The following PDE4B variants were observed in gnomAD, a reference collection of about 807,000 sequenced individuals.
PDE4B encodes the protein phosphodiesterase 4B.
In PDE4B, 20 loss-of-function variants were observed where a neutral mutation model predicts 82.2. The ratio of observed to expected loss-of-function variants is 0.24; its 90% CI spans 0.17 to 0.35. The LOEUF (loss-of-function observed/expected upper bound fraction) is 0.35, where lower values mean the gene tolerates loss of function less well. Among genes scored for constraint, PDE4B ranks in the 10% least tolerant of loss-of-function variants. The pLI is 1.00. For synonymous variants in PDE4B, 320 were observed against 318.9 expected, an observed-to-expected ratio of 1.00 and a Z score of -0.04; for missense variants, 655 against 907.2, an observed-to-expected ratio of 0.72 and a Z score of 3.57.
At chr1:66,297,780 A>G (rs1407426013) in intron 7 of PDE4B, among the ~76,000 whole-genome samples, 2 of 152,148 alleles carry the variant, frequency 1.3e-5, no homozygotes, top group Non-Finnish European at 2.9e-5. Context: ...TGGGGGACAC[A>G]TTCAAAGCAC....
chr1:65,969,049 T>C (rs1649995632), intron 3 of PDE4B, among the ~76,000 whole-genome samples: 1 of 152,176 alleles, frequency 6.6e-6, no homozygotes, highest in African/African-American at 2.4e-5. Context: ...TAATTTTACC[T>C]GAGAAACACC....
chr1:66,286,890 A>T (rs1352990253), intron 7 of PDE4B, among the ~76,000 whole-genome samples: 5 of 152,152 alleles, frequency 3.3e-5, no homozygotes, highest in African/African-American at 1.2e-4. Context: ...AAGCTAATGT[A>T]TGCCCCCCCA....
At chr1:65,937,462 A>G (rs1469459373) in intron 3 of PDE4B, among the ~76,000 whole-genome samples, 1 of 152,206 alleles carries the variant, frequency 6.6e-6, no homozygotes, top group Non-Finnish European at 1.5e-5. Context: ...TCTCAGCTGC[A>G]GATCCTAAAG....
At chr1:65,983,034 A>G (rs981961670) in intron 3 of PDE4B, among the ~76,000 whole-genome samples, 1 of 152,222 alleles carries the variant, frequency 6.6e-6, no homozygotes, top group Non-Finnish European at 1.5e-5. Context: ...CCCAAAGGAC[A>G]GAACACTGAG....
At chr1:66,193,931 A>G (rs1466066656) in intron 3 of PDE4B, among the ~76,000 whole-genome samples, 1 of 148,862 alleles carries the variant, frequency 6.7e-6, no homozygotes, top group Non-Finnish European at 1.5e-5. Flanking sequence ...CATTTGAACC[A>G]TAACAAGAGA....
rs80200150 is a variant in PDE4B at position 66,009,905 on chromosome 1, TTATCTATCTATCTATCTATCTATC to T, written c.281+91095_281+91118del. On this transcript the variant is annotated intron_variant, in intron 3 of 16. Transcript: ENST00000341517. ...TTTCATATCCATATGATCTGTATCT[TTATCTATCTATCTATCTATCTATC>T]TATCTATCTATCTATCTATCTATCA... 4.6e-3 allele frequency among the ~76,000 whole-genome samples: 603 copies of T among 130,554 alleles called. 7 individuals carry two copies. Among genetic ancestry groups the T allele is most frequent in the African/African-American group, 0.017 (552 of 31,794 alleles). 85.6% of individuals were successfully genotyped at this position (130,554 alleles called of 152,430 possible). A position where few individuals can be genotyped will look rare whatever the true frequency, so the allele number is the denominator to read the frequency against.
At chr1:66,237,061 A>G (rs922206595) in intron 3 of PDE4B, among the ~76,000 whole-genome samples, 8 of 152,232 alleles carry the variant, frequency 5.3e-5, no homozygotes, top group African/African-American at 1.7e-4. Flanking sequence ...TGAGAAAAAA[A>G]TATATAGCTT....
intron 7 of PDE4B, among the ~76,000 whole-genome samples, chr1:66,295,151 G>A (rs1657410166): frequency 6.6e-6 from 1 of 152,148 alleles, no homozygotes; most frequent in Non-Finnish European, 1.5e-5. Context: ...ACCTGGGACA[G>A]GTTTGTTCCT....
At chr1:65,989,772 T>C (rs1022669141) in intron 3 of PDE4B, among the ~76,000 whole-genome samples, 6 of 152,192 alleles carry the variant, frequency 3.9e-5, no homozygotes, top group African/African-American at 1.4e-4. Flanking sequence ...ATAGTATACT[T>C]TGCTGAAATA....
intron 1 of PDE4B, among the ~76,000 whole-genome samples, chr1:65,898,835 A>C (rs1385655099): frequency 6.6e-6 from 1 of 152,174 alleles, no homozygotes; most frequent in Non-Finnish European, 1.5e-5. Context: ...TTAAGGACTT[A>C]AACCTAAGAC....
At chr1:65,997,514 A>G (rs992071509) in intron 3 of PDE4B, among the ~76,000 whole-genome samples, 1 of 152,196 alleles carries the variant, frequency 6.6e-6, no homozygotes, top group Non-Finnish European at 1.5e-5. Context: ...GATTGACCTT[A>G]GAACTGCCGA....
intron 3 of PDE4B, among the ~76,000 whole-genome samples, chr1:66,189,776 C>T (rs28847310): frequency 0.016 from 2,432 of 152,096 alleles, 68 homozygotes; most frequent in African/African-American, 0.054. Flanking sequence ...GCCATGAGTT[C>T]GAACTTCCTC....
Position 66,355,514 on chromosome 1 carries a change from T to C in PDE4B, c.748-13T>C, listed in dbSNP as rs1266245595. The C allele has an allele frequency of 3.2e-6, 5 of 1,575,224 alleles. No homozygotes were observed. The South Asian group carries it at 5.7e-5, about 18-fold the overall frequency. ...TTTAAAGTGGTTAATGCATTTTTGT[T>C]CTTTATAAACAGTTCAAAAGAATGC... is the stretch of plus-strand genomic sequence containing the variant. On this transcript the variant is annotated splice_polypyrimidine_tract_variant and intron_variant, in intron 8 of 16. Transcript: ENST00000341517.
intron 3 of PDE4B, among the ~76,000 whole-genome samples, chr1:66,163,897 G>A (rs188804454): frequency 7.0e-4 from 107 of 152,242 alleles, no homozygotes; most frequent in African/African-American, 2.5e-3. Context: ...TTGTTTTGGT[G>A]TCTTTTATCA....
chr1:65,921,899 G>A (rs1270010422), intron 3 of PDE4B, among the ~76,000 whole-genome samples: 1 of 152,116 alleles, frequency 6.6e-6, no homozygotes, highest in Non-Finnish European at 1.5e-5. Context: ...CATAAGTATG[G>A]GACTGTGTGT....
intron 8 of PDE4B, among the ~76,000 whole-genome samples, chr1:66,335,618 T>C (rs975719413): frequency 6.6e-6 from 1 of 152,236 alleles, no homozygotes; most frequent in Non-Finnish European, 1.5e-5. Flanking sequence ...GATCCCTTAA[T>C]GCTGGCCACA....
intron 3 of PDE4B, among the ~76,000 whole-genome samples, chr1:65,930,611 A>G (rs977457245): frequency 6.6e-6 from 1 of 152,224 alleles, no homozygotes; most frequent in Admixed American, 6.5e-5. Context: ...ATACAATTTA[A>G]TGACCACCCT....
At chr1:65,893,802 G>A (rs573015799) in intron 1 of PDE4B, among the ~76,000 whole-genome samples, 1 of 152,020 alleles carries the variant, frequency 6.6e-6, no homozygotes, top group African/African-American at 2.4e-5. Flanking sequence ...TACCATGGAA[G>A]ACTACCCATC....
At chr1:65,971,500 G>A (rs946023550) in intron 3 of PDE4B, among the ~76,000 whole-genome samples, 2 of 151,886 alleles carry the variant, frequency 1.3e-5, no homozygotes, top group African/African-American at 4.8e-5. Flanking sequence ...GATTTCTAAG[G>A]GAATCATTTC....
Sources: allele counts gnomAD v4.1 joint callset (sites outside exome capture counted in the v4.1 genomes callset), GRCh38; gene constraint gnomAD v4.1.1; transcripts MANE v1.5; gene names NCBI Gene and HGNC (gene_info 2026-07-23, HGNC 2026-07-21).